PPP3CB: variants seen among roughly 807,000 people sequenced by gnomAD.
PPP3CB encodes serine/threonine-protein phosphatase 2B catalytic subunit beta isoform.
PPP3CB carries 8 observed loss-of-function variants against 66.4 expected under a neutral mutation model. The observed-to-expected ratio is 0.12, with a 90% CI of 0.07 to 0.22. The LOEUF (loss-of-function observed/expected upper bound fraction) is 0.22. Ranked by LOEUF, PPP3CB falls within the 10% of genes least tolerant of loss-of-function variation. PPP3CB has a pLI of 1.00. For synonymous variants in PPP3CB, 208 were observed against 221.2 expected, an observed-to-expected ratio of 0.94 and a Z score of 0.53; for missense variants, 319 against 642.5, an observed-to-expected ratio of 0.50 and a Z score of 5.44.
At chr10:73,492,379 G>A (rs2057093071) in intron 1 of PPP3CB, among the ~76,000 whole-genome samples, 1 of 152,056 alleles carries the variant, frequency 6.6e-6, no homozygotes, top group Admixed American at 6.5e-5. Context: ...GGTATACAAA[G>A]CAAAACGTAC....
chr10:73,487,327 C>T (rs1390065268), intron 1 of PPP3CB, among the ~76,000 whole-genome samples: 2 of 151,368 alleles, frequency 1.3e-5, no homozygotes, highest in African/African-American at 2.4e-5. Context: ...GTGGGTATAT[C>T]GCTTGAGGTC....
intron 9 of PPP3CB, 35 bp from the exon 10 acceptor site, chr10:73,454,524 CATATATAACT>C: frequency 6.9e-7 from 1 of 1,447,178 alleles, no homozygotes; most frequent in Non-Finnish European, 9.7e-7. Flanking sequence ...GTTAGCTGAC[CATATATAACT>C]GTCTATACAT....
rs1286657975 is a variant in PPP3CB at position 73,443,282 on chromosome 10, AAGAC to A, written c.1366+1439_1366+1442del. Among the ~76,000 whole-genome samples the A allele has an allele frequency of 5.7e-3, 642 of 112,616 alleles. 4 individuals carry two copies. The highest frequency in any genetic ancestry group is 0.027 in the Middle Eastern group (6 of 224). The allele number at this position is 112,616 out of a possible 152,430, so 73.9% of individuals were successfully genotyped here. On this transcript the variant is annotated intron_variant, in intron 12 of 13. Transcript: ENST00000360663. ...AGAGAGAGAGAGAAAGAAAGAAAGAAAGACAGAAAGAAAGAAAGAAAGAAAGAAA... is the reference window on the plus strand; with the variant it reads ...AGAGAGAGAGAGAAAGAAAGAAAGAAAGAAAGAAAGAAAGAAAGAAAGAAA...
At chr10:73,475,509 C>T (rs75822125) in intron 3 of PPP3CB, among the ~76,000 whole-genome samples, 7,074 of 152,162 alleles carry the variant, frequency 0.046, 500 homozygotes, top group African/African-American at 0.15. Context: ...GCAAAGATCT[C>T]AAGTAACTTG....
In PPP3CB at chr10:73,446,343, G is replaced by A. The variant is rs1053927224; in HGVS notation, c.1268+149C>T. ...TCAAACTCCTGACCTCAGGTGATCC[G>A]CCCGCCTTGGCATCCCAAAATGCTG... On this transcript the variant is annotated intron_variant, in intron 11 of 13. Transcript: ENST00000360663. 5.3e-4 allele frequency: 366 copies of A among 690,774 alleles called. No individual in the cohort carries two copies. Among genetic ancestry groups the A allele is most frequent in the Non-Finnish European group, 5.2e-4 (211 of 402,460 alleles). The allele number at this position is 690,774 out of a possible 1,614,324, so 42.8% of individuals were successfully genotyped here.
At chr10:73,478,350 C>G (rs2056823998) in intron 3 of PPP3CB, 149 bp downstream of exon 3, 2 of 604,722 alleles carry the variant, frequency 3.3e-6, no homozygotes, top group East Asian at 5.8e-5. Flanking sequence ...AAAGACAGAA[C>G]AGGAATAAAT....
At chr10:73,463,731 C>T (rs2056569689) in intron 9 of PPP3CB, among the ~76,000 whole-genome samples, 2 of 152,128 alleles carry the variant, frequency 1.3e-5, no homozygotes, top group Admixed American at 1.3e-4. Context: ...CAAGCTCTGC[C>T]TCCTGGGTTC....
chr10:73,462,057 T>A (rs2056529774), intron 9 of PPP3CB, among the ~76,000 whole-genome samples: 1 of 151,518 alleles, frequency 6.6e-6, no homozygotes, highest in Non-Finnish European at 1.5e-5. Context: ...CATGAGAAGT[T>A]CCCTGAGGCC....
In PPP3CB at chr10:73,470,922, T is replaced by C. The variant is rs1428452257; in HGVS notation, c.852A>G (p.Leu284=). 2 of 1,613,542 alleles carry C rather than the reference T, an allele frequency of 1.2e-6. No homozygotes were observed. Among genetic ancestry groups the C allele is most frequent in the Non-Finnish European group, 1.7e-6 (2 of 1,179,698 alleles). The change falls in exon 7 of 14, where the codon TTA becomes TTG. Residue 284 remains leucine (L), a synonymous_variant. Transcript: ENST00000360663. The part of the protein sequence containing the change: ...VCEFLQNNNL[L]SIIRAHEAQD... ...GAGCTTCATGAGCTCTAATAATCGA[T>C]AACAAATTATTGTTTTGCAAAAATT... is the stretch of plus-strand genomic sequence containing the variant.
intron 6 of PPP3CB, 35 bp from the exon 7 acceptor site, chr10:73,470,999 T>C: frequency 3.7e-6 from 6 of 1,605,932 alleles, no homozygotes; most frequent in Non-Finnish European, 5.1e-6. Flanking sequence ...AGTAAAATAA[T>C]GGCTTTTCTG....
At chr10:73,484,601 T>C (rs1254195197) in intron 1 of PPP3CB, among the ~76,000 whole-genome samples, 1 of 152,092 alleles carries the variant, frequency 6.6e-6, no homozygotes, top group East Asian at 1.9e-4. Flanking sequence ...TTTTTTTTTT[T>C]GCCTCCATAT....
At chr10:73,488,835 A>C (rs1350735711) in intron 1 of PPP3CB, among the ~76,000 whole-genome samples, 1 of 152,098 alleles carries the variant, frequency 6.6e-6, no homozygotes, top group Non-Finnish European at 1.5e-5. Context: ...CTGAACTCTA[A>C]GTCCTATTGA....
intron 8 of PPP3CB, among the ~76,000 whole-genome samples, chr10:73,468,642 G>A (rs1205447576): frequency 6.6e-6 from 1 of 151,972 alleles, no homozygotes; most frequent in African/African-American, 2.4e-5. Flanking sequence ...TCATTTTAAT[G>A]AAAAGCACTG....
At chr10:73,480,708 G>A (rs1474245213) in intron 1 of PPP3CB, among the ~76,000 whole-genome samples, 3 of 152,120 alleles carry the variant, frequency 2.0e-5, no homozygotes. Context: ...GCTTCCCAAA[G>A]TTCTGGGATT....
At chr10:73,450,873 C>T (rs1033236285) in intron 10 of PPP3CB, among the ~76,000 whole-genome samples, 2 of 152,152 alleles carry the variant, frequency 1.3e-5, no homozygotes, top group Non-Finnish European at 2.9e-5. Flanking sequence ...TTAAACTACA[C>T]TGCCTCTTTA....
intron 9 of PPP3CB, among the ~76,000 whole-genome samples, chr10:73,465,037 G>A (rs2056597500): frequency 6.6e-6 from 1 of 152,026 alleles, no homozygotes; most frequent in Non-Finnish European, 1.5e-5. Context: ...AGTATTTATA[G>A]ATAGAAAAGA....
chr10:73,457,255 A>C (rs1338021137), intron 9 of PPP3CB, among the ~76,000 whole-genome samples: 1 of 141,990 alleles, frequency 7.0e-6, no homozygotes, highest in Non-Finnish European at 1.5e-5. Flanking sequence ...CCCATCTCTA[A>C]AAAAGAAAAA....
intron 12 of PPP3CB, among the ~76,000 whole-genome samples, chr10:73,441,480 T>G (rs2056147692): frequency 6.6e-6 from 1 of 152,158 alleles, no homozygotes; most frequent in African/African-American, 2.4e-5. Context: ...GGTGTGCATA[T>G]GTAATCCCAG....
intron 1 of PPP3CB, 52 bp downstream of exon 1, chr10:73,495,751 TCA>T (rs2057199618): frequency 6.6e-7 from 1 of 1,507,966 alleles, no homozygotes; most frequent in South Asian, 1.1e-5. Context: ...CCGCCCGCCC[TCA>T]CACACAGCTA....
Sources: allele counts gnomAD v4.1 joint callset (sites outside exome capture counted in the v4.1 genomes callset), GRCh38; gene constraint gnomAD v4.1.1; transcripts MANE v1.5; gene names NCBI Gene and HGNC (gene_info 2026-07-23, HGNC 2026-07-21).